The following SUPT3H variants were observed in gnomAD, a reference collection of about 807,000 sequenced individuals.
SUPT3H encodes transcription initiation protein SPT3 homolog.
Under a neutral mutation model 44.3 loss-of-function variants are expected in SUPT3H, and 44 were observed. The ratio of observed to expected loss-of-function variants is 0.99; its 90% CI spans 0.78 to 1.28. The LOEUF is 1.28. SUPT3H is among the 50% of genes most tolerant of loss of function. SUPT3H has a pLI of 0.00. For missense variants in SUPT3H, 380 were observed against 387.1 expected (o/e 0.98, Z 0.15); for synonymous variants, 124 against 125.6 (o/e 0.99, Z 0.09).
At chr6:45,347,408 G>A (rs754667179) in intron 2 of SUPT3H, among the ~76,000 whole-genome samples, 8 of 152,056 alleles carry the variant, frequency 5.3e-5, no homozygotes, top group Non-Finnish European at 8.8e-5. Flanking sequence ...GGTGGTAGAT[G>A]TACACAAAAG....
chr6:45,318,416 G>A (rs549581743), intron 2 of SUPT3H, among the ~76,000 whole-genome samples: 35 of 152,134 alleles, frequency 2.3e-4, no homozygotes, highest in African/African-American at 8.4e-4. Context: ...GTGGACTTTA[G>A]CTAACTATAA....
chr6:44,937,329 T>C lies in SUPT3H; in HGVS notation c.802-4566A>G, dbSNP rs148764356. Among the ~76,000 whole-genome samples the C allele has an allele frequency of 2.4e-3, 362 of 152,000 alleles. 1 individual carries two copies. The highest frequency in any genetic ancestry group is 7.6e-3 in the African/African-American group (314 of 41,470). On this transcript the variant is annotated intron_variant, in intron 9 of 10. Coordinates refer to ENST00000371459, the MANE Select transcript of SUPT3H (RefSeq NM_003599.4). ...CAACATGGTGAAACCCCGTCTCTAC[T>C]AAAAATATAAAAAAATTAGCCAGGT...
chr6:44,975,796 T>G (rs923273603), intron 6 of SUPT3H, among the ~76,000 whole-genome samples: 4 of 152,100 alleles, frequency 2.6e-5, no homozygotes, highest in Admixed American at 6.5e-5. Flanking sequence ...TTACTTCTGA[T>G]TTTTGATAAG....
At chr6:45,194,520 A>ACGCCTGT (rs1815687138) in intron 2 of SUPT3H, among the ~76,000 whole-genome samples, 1 of 152,140 alleles carries the variant, frequency 6.6e-6, no homozygotes, top group African/African-American at 2.4e-5. Context: ...GAGCAGAGTA[A>ACGCCTGT]AATTATCATT....
At chr6:45,370,651 G>A (rs1251699005) in intron 1 of SUPT3H, among the ~76,000 whole-genome samples, 1 of 151,634 alleles carries the variant, frequency 6.6e-6, no homozygotes, top group Non-Finnish European at 1.5e-5. Context: ...CCATATAATG[G>A]GCACTAAAAA....
At chr6:45,337,857 T>C (rs185827092) in intron 2 of SUPT3H, among the ~76,000 whole-genome samples, 2,663 of 152,100 alleles carry the variant, frequency 0.018, 50 homozygotes, top group South Asian at 0.085. Flanking sequence ...CTACTGTAAG[T>C]AGAAATAAGA....
intron 6 of SUPT3H, among the ~76,000 whole-genome samples, chr6:44,988,825 C>T (rs943695485): frequency 2.0e-5 from 3 of 151,962 alleles, no homozygotes; most frequent in Admixed American, 2.0e-4. Context: ...TTCTCCACAC[C>T]CAAGCAAACA....
intron 10 of SUPT3H, among the ~76,000 whole-genome samples, chr6:44,891,456 T>C (rs928103381): frequency 4.6e-5 from 7 of 152,120 alleles, no homozygotes; most frequent in African/African-American, 1.2e-4. Flanking sequence ...TTACAATAAG[T>C]ATAAACCTTG....
chr6:44,995,448 T>G (rs993551767), intron 6 of SUPT3H, among the ~76,000 whole-genome samples: 2 of 152,086 alleles, frequency 1.3e-5, no homozygotes, highest in Non-Finnish European at 2.9e-5. Context: ...AAGAAACAAC[T>G]GCTTACTTAG....
intron 3 of SUPT3H, among the ~76,000 whole-genome samples, chr6:45,096,076 C>A (rs963179042): frequency 7.2e-5 from 11 of 151,992 alleles, no homozygotes; most frequent in African/African-American, 2.7e-4. Flanking sequence ...TATATATAAT[C>A]TTTATGATGC....
intron 10 of SUPT3H, among the ~76,000 whole-genome samples, chr6:44,897,211 C>T (rs1764242621): frequency 6.6e-6 from 1 of 152,218 alleles, no homozygotes; most frequent in Non-Finnish European, 1.5e-5. Flanking sequence ...TGAGGATACA[C>T]ACTTGGTGCT....
Position 44,989,709 on chromosome 6 carries a change from T to C in SUPT3H, c.504+13944A>G, listed in dbSNP as rs536115675. 1.9e-3 allele frequency among the ~76,000 whole-genome samples: 284 copies of C among 152,230 alleles called. 1 individual carries two copies. Among genetic ancestry groups the C allele is most frequent in the African/African-American group, 6.2e-3 (259 of 41,562 alleles). Reference sequence around the variant, plus strand: ...GGCCATCCTAATAGGTGTGAGGTGATACATCTCACTGCAGCTTTGATTTGC... The same window carrying C: ...GGCCATCCTAATAGGTGTGAGGTGACACATCTCACTGCAGCTTTGATTTGC... On this transcript the variant is annotated intron_variant, in intron 6 of 10. Coordinates refer to ENST00000371459, the MANE Select transcript of SUPT3H (RefSeq NM_003599.4).
chr6:45,192,747 T>G (rs1028096807), intron 2 of SUPT3H, among the ~76,000 whole-genome samples: 1 of 152,098 alleles, frequency 6.6e-6, no homozygotes, highest in African/African-American at 2.4e-5. Context: ...ACTTAATAAC[T>G]CATTGATTAT....
intron 2 of SUPT3H, among the ~76,000 whole-genome samples, chr6:45,197,048 T>A (rs1214502286): frequency 6.6e-6 from 1 of 151,726 alleles, no homozygotes; most frequent in Non-Finnish European, 1.5e-5. Context: ...AATAGTATGC[T>A]AAATTCAACA....
intron 2 of SUPT3H, among the ~76,000 whole-genome samples, chr6:45,119,576 T>C (rs1223952323): frequency 3.9e-5 from 6 of 152,114 alleles, no homozygotes; most frequent in Non-Finnish European, 5.9e-5. Context: ...TAGCTGCCTG[T>C]TGGATGAGCA....
At chr6:44,886,122 G>T (rs1168867489) in intron 10 of SUPT3H, among the ~76,000 whole-genome samples, 1 of 152,194 alleles carries the variant, frequency 6.6e-6, no homozygotes, top group African/African-American at 2.4e-5. Flanking sequence ...TACGTGAAAA[G>T]ACCAAATCTG....
intron 3 of SUPT3H, among the ~76,000 whole-genome samples, chr6:45,066,940 C>T (rs1275401101): frequency 9.6e-4 from 139 of 144,776 alleles, no homozygotes; most frequent in South Asian, 3.5e-3. Flanking sequence ...AATGACTTTC[C>T]TCACAGAATT....
chr6:44,973,934 T>C (rs896575957), intron 6 of SUPT3H, among the ~76,000 whole-genome samples: 3 of 152,122 alleles, frequency 2.0e-5, no homozygotes, highest in Non-Finnish European at 4.4e-5. Context: ...ACCAGGTCCC[T>C]CCCACGACAC....
At chr6:45,007,188 CT>C (rs765468834) in intron 5 of SUPT3H, among the ~76,000 whole-genome samples, 90 of 152,084 alleles carry the variant, frequency 5.9e-4, no homozygotes, top group Non-Finnish European at 8.7e-4. Flanking sequence ...TTAATAATTC[CT>C]TTTTTGGAGG....
Sources: gnomAD v4.1 joint callset for allele counts (sites outside exome capture counted in the v4.1 genomes callset) on GRCh38, gnomAD v4.1.1 for gene constraint, MANE v1.5 for transcripts, NCBI Gene and HGNC (gene_info 2026-07-23, HGNC 2026-07-21) for gene names.